Variants in PCDHA7 observed in about 807,000 individuals in gnomAD.
The protein encoded by PCDHA7 is protocadherin alpha-7.
A neutral mutation model predicts 57.2 loss-of-function variants in PCDHA7; 37 were observed. The ratio of observed to expected loss-of-function variants is 0.65; its 90% confidence interval spans 0.50 to 0.85. The LOEUF (loss-of-function observed/expected upper bound fraction) is 0.85, where lower values mean the gene tolerates loss of function less well. Ranked by LOEUF, PCDHA7 falls within the 40% of genes least tolerant of loss-of-function variation. The pLI is 0.00. For synonymous variants in PCDHA7, 553 were observed against 558.8 expected, an observed-to-expected ratio of 0.99 and a Z score of 0.15; for missense variants, 1,188 against 1,241.8, an observed-to-expected ratio of 0.96 and a Z score of 0.65.
chr5:141,009,544 C>A (rs1236431515), intron 3 of PCDHA7, 83 bp from the exon 4 acceptor site: 1 of 1,534,390 alleles, frequency 6.5e-7, no homozygotes. Context: ...CCTGCCTATG[C>A]AGTACTCCTG....
At chr5:140,841,595 C>G (rs2150318765) in intron 1 of PCDHA7, 1 of 1,614,060 alleles carries the variant, frequency 6.2e-7, no homozygotes, top group Non-Finnish European at 8.5e-7. Flanking sequence ...TCGGATCGAC[C>G]GCGAGGAGCT....
intron 1 of PCDHA7, among the ~76,000 whole-genome samples, chr5:140,838,280 A>ATTT (rs2150286950): frequency 0.014 from 2,008 of 139,562 alleles, 92 homozygotes; most frequent in African/African-American, 0.051. Context: ...AGCCATGCTA[A>ATTT]TTTTTTTTTT....
chr5:140,902,171 A>T, intron 1 of PCDHA7, among the ~76,000 whole-genome samples: 1 of 144,502 alleles, frequency 6.9e-6, no homozygotes, highest in Non-Finnish European at 1.5e-5. Flanking sequence ...TCTAATTTGG[A>T]TGTCCTTTAT....
At chr5:141,003,814 G>A (rs2098139841) in intron 3 of PCDHA7, among the ~76,000 whole-genome samples, 1 of 152,088 alleles carries the variant, frequency 6.6e-6, no homozygotes, top group Admixed American at 6.6e-5. Context: ...CTGTAGTCTG[G>A]GAAGGGCTCT....
In PCDHA7 at chr5:140,834,556, A is replaced by G. The variant is rs2150220924; in HGVS notation, c.173A>G (p.Glu58Gly). ...CAGGACCTGGGGCTGGAGCTGGCGGAGCTGGTGCCGCGCCTGTTCCGGGCG... is the reference window on the plus strand; with the variant it reads ...CAGGACCTGGGGCTGGAGCTGGCGGGGCTGGTGCCGCGCCTGTTCCGGGCG... ...IAQDLGLELA[E>G]LVPRLFRAVC... Residue 58 changes from glutamate to glycine, a missense_variant, in exon 1 of 4, where the codon GAG becomes GGG. Coordinates refer to ENST00000525929, the MANE Select transcript of PCDHA7 (RefSeq NM_018910.3). 1.2e-6 allele frequency: 2 copies of G among 1,613,934 alleles called. No homozygotes were observed. The highest frequency in any genetic ancestry group is 2.7e-5 in the African/African-American group (2 of 74,920).
At chr5:140,893,780 C>G (rs966071281) in intron 1 of PCDHA7, among the ~76,000 whole-genome samples, 1 of 151,980 alleles carries the variant, frequency 6.6e-6, no homozygotes. Flanking sequence ...TTTCTTTTAC[C>G]GTTTTTAGAA....
chr5:140,877,172 C>T, intron 1 of PCDHA7: 2 of 1,613,816 alleles, frequency 1.2e-6, no homozygotes, highest in Non-Finnish European at 1.7e-6. Flanking sequence ...GCACTGCTGG[C>T]GACTCCGGCT....
At chr5:140,939,590 C>G (rs1385974524) in intron 1 of PCDHA7, among the ~76,000 whole-genome samples, 1 of 152,052 alleles carries the variant, frequency 6.6e-6, no homozygotes, top group African/African-American at 2.4e-5. Flanking sequence ...TTTTAACATA[C>G]CTTGCTCAAA....
rs562081561 is a variant in PCDHA7 at position 140,927,834 on chromosome 5, C to T, written c.2356-51115C>T. 1.2e-5 allele frequency: 19 copies of T among 1,614,138 alleles called. No homozygotes were observed. In the East Asian group the frequency reaches 2.2e-4, roughly 19 times the overall value. ...TGGAGGCATACATTGAGGCGAGGGA[C>T]GAAGGTGTCTTTGGTTTAGCTAGCA... On this transcript the variant is annotated intron_variant, in intron 1 of 3. Coordinates refer to ENST00000525929, the MANE Select transcript of PCDHA7 (RefSeq NM_018910.3).
At chr5:140,847,308 C>T (rs1295740719) in intron 1 of PCDHA7, among the ~76,000 whole-genome samples, 2 of 149,754 alleles carry the variant, frequency 1.3e-5, no homozygotes, top group Admixed American at 6.7e-5. Context: ...CTGCAGTAAT[C>T]AAGGACAGAA....
At chr5:140,971,642 A>T (rs1586490477) in intron 1 of PCDHA7, among the ~76,000 whole-genome samples, 1 of 152,330 alleles carries the variant, frequency 6.6e-6, no homozygotes. Context: ...ATGTGCCTAC[A>T]TTAAAAGTAG....
chr5:140,964,631 T>C (rs1415762552), intron 1 of PCDHA7, among the ~76,000 whole-genome samples: 1 of 152,074 alleles, frequency 6.6e-6, no homozygotes, highest in African/African-American at 2.4e-5. Flanking sequence ...ATAAGCCATT[T>C]ATTTTCAGAA....
At chr5:140,972,101 A>C (rs114554334) in intron 1 of PCDHA7, among the ~76,000 whole-genome samples, 3,080 of 152,290 alleles carry the variant, frequency 0.02, 42 homozygotes, top group Middle Eastern at 0.075. Flanking sequence ...CTGGCATAGA[A>C]GCAGGTAACA....
intron 1 of PCDHA7, chr5:140,853,583 T>G: frequency 1.0e-6 from 1 of 985,318 alleles, no homozygotes; most frequent in Non-Finnish European, 1.2e-6. Context: ...CCCAATATCT[T>G]AGACACTTTG....
At chr5:140,983,239 C>A (rs557831259) in intron 3 of PCDHA7, among the ~76,000 whole-genome samples, 53 of 152,294 alleles carry the variant, frequency 3.5e-4, no homozygotes, top group African/African-American at 1.2e-3. Context: ...GGAAAGAGAA[C>A]CTGCTAAGTT....
intron 1 of PCDHA7, chr5:140,927,853 G>T: frequency 6.2e-7 from 1 of 1,614,214 alleles, no homozygotes; most frequent in Non-Finnish European, 8.5e-7. Context: ...CTTTGGTTTA[G>T]CTAGCACCGC....
chr5:141,010,052 A>G lies in PCDHA7; in HGVS notation c.*115A>G. The stretch of plus-strand genomic sequence containing the variant: ...CTACATGAGCCCTCTTAGAGACCTC[A>G]GAAATCTGCAGAAAGTTCCCTGTGT... On this transcript the variant is annotated 3_prime_UTR_variant, in exon 4 of 4. Coordinates refer to ENST00000525929, the MANE Select transcript of PCDHA7 (RefSeq NM_018910.3). The G allele has an allele frequency of 1.3e-6, 2 of 1,598,970 alleles. No homozygotes were observed. Among genetic ancestry groups the G allele is most frequent in the Non-Finnish European group, 1.7e-6 (2 of 1,172,814 alleles).
intron 1 of PCDHA7, chr5:140,875,698 G>T: frequency 6.2e-7 from 1 of 1,614,084 alleles, no homozygotes; most frequent in Non-Finnish European, 8.5e-7. Flanking sequence ...GGACCTTCTG[G>T]AGGTAAATCT....
At position 140,875,993 on chromosome 5, in the gene PCDHA7, T is replaced by G. The variant is rs574636926; in HGVS notation, c.2355+39255T>G. On this transcript the variant is annotated intron_variant, in intron 1 of 3. Coordinates refer to ENST00000525929, the MANE Select transcript of PCDHA7 (RefSeq NM_018910.3). The stretch of plus-strand genomic sequence containing the variant: ...TCTCTTTTGACCTATGCGTTAAGTC[T>G]AAATGAGAATTTTGAGCTTAAAATA... The G allele has an allele frequency of 3.5e-4, 564 of 1,613,988 alleles. 6 individuals are homozygous for G. In the South Asian group the frequency reaches 5.9e-3, roughly 17 times the overall value.
Sources: gnomAD v4.1 joint callset for allele counts (sites outside exome capture counted in the v4.1 genomes callset) on GRCh38, gnomAD v4.1.1 for gene constraint, MANE v1.5 for transcripts, NCBI Gene and HGNC (gene_info 2026-07-23, HGNC 2026-07-21) for gene names.